The following ESRRG variants were observed in gnomAD, a reference collection of about 807,000 sequenced individuals.
ESRRG encodes estrogen-related receptor gamma.
In ESRRG, 13 loss-of-function variants were observed where a neutral mutation model predicts 44.0. That is an observed-to-expected ratio of 0.30 (90% CI 0.19 to 0.47). The LOEUF (loss-of-function observed/expected upper bound fraction) is 0.47, where lower values mean the gene tolerates loss of function less well. ESRRG is among the 20% of genes least tolerant of loss of function. The pLI, the probability that ESRRG is intolerant of heterozygous loss-of-function variation, is 1.00. For missense variants in ESRRG, 395 were observed against 580.6 expected (o/e 0.68, Z 3.29); for synonymous variants, 215 against 214.6 (o/e 1.00, Z -0.02).
At chr1:216,880,133 C>T (rs563402872) in intron 2 of ESRRG, among the ~76,000 whole-genome samples, 1 of 151,138 alleles carries the variant, frequency 6.6e-6, no homozygotes, top group Non-Finnish European at 1.5e-5. Flanking sequence ...CATGGTGAAA[C>T]CCCATCTCTA....
intron 1 of ESRRG, among the ~76,000 whole-genome samples, chr1:217,071,995 G>T (rs1162262473): frequency 1.3e-5 from 2 of 152,174 alleles, no homozygotes; most frequent in Admixed American, 6.5e-5. Context: ...CCAGTAATTT[G>T]TTACCAGTAA....
At chr1:216,724,201 G>A (rs891316737), upstream of ESRRG, among the ~76,000 whole-genome samples, 1 of 152,034 alleles carries the variant, frequency 6.6e-6, no homozygotes, top group Non-Finnish European at 1.5e-5. Context: ...ACCTGCGACT[G>A]TCTCTTTACA....
chr1:216,799,450 A>C (rs532698022), intron 2 of ESRRG, among the ~76,000 whole-genome samples: 8 of 149,682 alleles, frequency 5.3e-5, no homozygotes, highest in Non-Finnish European at 1.0e-4. Context: ...TGACGATTAT[A>C]ATCACTCAAG....
At position 217,001,259 on chromosome 1, in the gene ESRRG, G is replaced by A. The variant is rs2077002111; in HGVS notation, c.-105-61586C>T. On this transcript the variant is annotated intron_variant, in intron 1 of 7. Transcript: ENST00000359162. ...GTAAAGATATAGGAATGGACACAGT[G>A]CTTATTTCTGAATGACAGGAACTCT... is the stretch of plus-strand genomic sequence containing the variant. Among the ~76,000 whole-genome samples the A allele has an allele frequency of 2.0e-5, 3 of 152,074 alleles. No homozygotes were observed. In the South Asian group the frequency reaches 6.2e-4, roughly 32 times the overall value.
At chr1:217,029,570 G>T (rs1439904778) in intron 1 of ESRRG, among the ~76,000 whole-genome samples, 2 of 152,154 alleles carry the variant, frequency 1.3e-5, no homozygotes. Flanking sequence ...AACTATGACT[G>T]GGCTCTGTGT....
intron 2 of ESRRG, among the ~76,000 whole-genome samples, chr1:216,756,129 A>G (rs1416767695): frequency 6.6e-6 from 1 of 152,064 alleles, no homozygotes; most frequent in Non-Finnish European, 1.5e-5. Context: ...TGTAGATAGC[A>G]TCTGCTCTAT....
chr1:216,757,989 TA>T (rs1274907975), intron 2 of ESRRG, among the ~76,000 whole-genome samples: 3 of 151,900 alleles, frequency 2.0e-5, no homozygotes, highest in Admixed American at 2.0e-4. Flanking sequence ...TAAACAGCAT[TA>T]AAAAAGAAGA....
intron 1 of ESRRG, among the ~76,000 whole-genome samples, chr1:216,695,929 G>A (rs912564840): frequency 1.1e-4 from 17 of 152,068 alleles, no homozygotes; most frequent in Admixed American, 8.5e-4. Flanking sequence ...TTACTGTTAG[G>A]CAATTTCCTT....
intron 2 of ESRRG, among the ~76,000 whole-genome samples, chr1:216,888,984 A>G (rs2057413424): frequency 6.6e-6 from 1 of 152,184 alleles, no homozygotes; most frequent in African/African-American, 2.4e-5. Flanking sequence ...AAATAAGCTC[A>G]TCCTTGCATC....
chr1:216,792,846 C>T (rs1412261377), intron 2 of ESRRG, among the ~76,000 whole-genome samples: 1 of 152,146 alleles, frequency 6.6e-6, no homozygotes, highest in Non-Finnish European at 1.5e-5. Context: ...GGAGGGGACT[C>T]ATTCAATATA....
chr1:216,802,953 T>C (rs1326307445), intron 2 of ESRRG, among the ~76,000 whole-genome samples: 3 of 152,176 alleles, frequency 2.0e-5, no homozygotes, highest in Non-Finnish European at 4.4e-5. Context: ...GCTGTTTTAG[T>C]GAGTGCTCAA....
chr1:216,820,858 A>C (rs1349683024), intron 2 of ESRRG, among the ~76,000 whole-genome samples: 1 of 152,214 alleles, frequency 6.6e-6, no homozygotes, highest in Non-Finnish European at 1.5e-5. Context: ...AACTCCATTC[A>C]TGAAGGCTTG....
At chr1:216,734,486 G>A (rs868078531) in intron 2 of ESRRG, among the ~76,000 whole-genome samples, 1 of 152,050 alleles carries the variant, frequency 6.6e-6, no homozygotes, top group Admixed American at 6.6e-5. Context: ...TTAAAAGTGT[G>A]TAGCACCTCT....
chr1:216,636,196 G>T lies in ESRRG; in HGVS notation c.589+14777C>A, dbSNP rs556303845. Reference sequence around the variant, plus strand: ...TATGATCTTACTAGTATGCTATGTGGAATAATGTGTTTACAATACAATTCC... The same window carrying T: ...TATGATCTTACTAGTATGCTATGTGTAATAATGTGTTTACAATACAATTCC... On this transcript the variant is annotated intron_variant, in intron 3 of 6. Transcript: ENST00000408911. 6.6e-5 allele frequency among the ~76,000 whole-genome samples: 10 copies of T among 152,236 alleles called. No individual in the cohort carries two copies. The South Asian group carries it at 1.0e-3, about 16-fold the overall frequency.
At chr1:216,870,540 C>T (rs752058414) in intron 2 of ESRRG, among the ~76,000 whole-genome samples, 2 of 151,908 alleles carry the variant, frequency 1.3e-5, no homozygotes, top group Non-Finnish European at 2.9e-5. Flanking sequence ...GGGAAGTGTT[C>T]ATTCTTCACC....
At chr1:216,929,690 T>A (rs565778126) in intron 2 of ESRRG, among the ~76,000 whole-genome samples, 1 of 152,320 alleles carries the variant, frequency 6.6e-6, no homozygotes, top group South Asian at 2.1e-4. Context: ...AAGTACGTGA[T>A]GAGGCCTGAA....
intron 1 of ESRRG, among the ~76,000 whole-genome samples, chr1:217,123,648 C>A (rs1394738851): frequency 6.6e-6 from 1 of 152,028 alleles, no homozygotes; most frequent in African/African-American, 2.4e-5. Flanking sequence ...CAAACTAATG[C>A]AGGAAAAGAA....
chr1:216,880,933 T>C (rs1182931476), intron 2 of ESRRG, among the ~76,000 whole-genome samples: 1 of 152,192 alleles, frequency 6.6e-6, no homozygotes, highest in Non-Finnish European at 1.5e-5. Flanking sequence ...TTTAATATGC[T>C]CTCTTCCTAC....
intron 2 of ESRRG, among the ~76,000 whole-genome samples, chr1:216,917,216 G>T (rs1401461372): frequency 1.2e-4 from 17 of 146,756 alleles, no homozygotes; most frequent in Non-Finnish European, 1.9e-4. Flanking sequence ...AGTGAAATCT[G>T]CCAGGTCTAC....
Sources: gnomAD v4.1 joint callset for allele counts (sites outside exome capture counted in the v4.1 genomes callset) on GRCh38, gnomAD v4.1.1 for gene constraint, MANE v1.5 for transcripts, NCBI Gene and HGNC (gene_info 2026-07-23, HGNC 2026-07-21) for gene names.